DNER: variants seen among roughly 807,000 people sequenced by gnomAD.
DNER encodes the protein delta/notch like EGF repeat containing.
DNER carries 33 observed loss-of-function variants against 78.2 expected under a neutral mutation model. The ratio of observed to expected loss-of-function variants is 0.42; its 90% CI spans 0.32 to 0.56. The LOEUF is 0.56. DNER is among the 20% of genes least tolerant of loss of function. DNER has a pLI of 0.11. For missense variants in DNER, 918 were observed against 975.3 expected (o/e 0.94, Z 0.78); for synonymous variants, 417 against 384.8 (o/e 1.08, Z -0.98).
Position 229,615,553 on chromosome 2 carries a change from C to CA in DNER, c.277-23666dup, listed in dbSNP as rs1231527958. On this transcript the variant is annotated intron_variant, in intron 1 of 12. Transcript: ENST00000341772. ...TGAAACCCTATCTCTACTAAAAATA[C>CA]AAAAAAAAATTAGCCGGAAGTGGTG... Among the ~76,000 whole-genome samples, 171 of 150,522 alleles carry CA rather than the reference C, an allele frequency of 1.1e-3. 2 individuals are homozygous for CA. Among genetic ancestry groups the CA allele is most frequent in the Admixed American group, 3.6e-3 (55 of 15,104 alleles).
At chr2:229,606,605 GT>G (rs1697943201) in intron 1 of DNER, among the ~76,000 whole-genome samples, 2 of 152,106 alleles carry the variant, frequency 1.3e-5, no homozygotes, top group Admixed American at 1.3e-4. Context: ...TAAAAAATGT[GT>G]TTAGGGCCAG....
intron 4 of DNER, among the ~76,000 whole-genome samples, chr2:229,576,443 C>A (rs1697303906): frequency 6.8e-6 from 1 of 148,020 alleles, no homozygotes; most frequent in Non-Finnish European, 1.5e-5. Flanking sequence ...ACAAATAATT[C>A]TTAAGGTTGA....
At chr2:229,603,751 CTGTGCTTTGCAAGTT>C (rs746074194) in intron 1 of DNER, among the ~76,000 whole-genome samples, 1 of 143,334 alleles carries the variant, frequency 7.0e-6, no homozygotes, top group Non-Finnish European at 1.5e-5. Flanking sequence ...GGGTGCTTTT[CTGTGCTTTGCAAGTT>C]TGTGCTTTGC....
intron 4 of DNER, among the ~76,000 whole-genome samples, chr2:229,565,376 G>A (rs564978805): frequency 1.3e-5 from 2 of 152,254 alleles, no homozygotes; most frequent in African/African-American, 4.8e-5. Context: ...ACATTCAAAT[G>A]CAAGTAAATG....
chr2:229,669,369 C>CATATATATATATATATATATATATATAT (rs58371383), intron 1 of DNER, among the ~76,000 whole-genome samples: 7 of 144,732 alleles, frequency 4.8e-5, no homozygotes, highest in South Asian at 2.2e-4. Context: ...TGTATACATA[C>CATATATATATATATATATATATATATAT]ATATATATAT....
intron 11 of DNER, among the ~76,000 whole-genome samples, chr2:229,371,209 G>A (rs1692474740): frequency 6.6e-6 from 1 of 152,146 alleles, no homozygotes; most frequent in South Asian, 2.1e-4. Context: ...GATGGATCTG[G>A]CTAAGTCCAA....
At chr2:229,425,620 A>T (rs1693857840) in intron 8 of DNER, among the ~76,000 whole-genome samples, 1 of 152,212 alleles carries the variant, frequency 6.6e-6, no homozygotes, top group Admixed American at 6.5e-5. Context: ...ACATCAATCC[A>T]GGACCCACCG....
At chr2:229,610,573 T>A (rs936534635) in intron 1 of DNER, among the ~76,000 whole-genome samples, 24 of 152,184 alleles carry the variant, frequency 1.6e-4, no homozygotes, top group Middle Eastern at 3.2e-3. Flanking sequence ...TACTGGAAGA[T>A]CAGTCACCAG....
At position 229,473,970 on chromosome 2, in the gene DNER, A is replaced by G. The variant is rs1489832229; in HGVS notation, c.1261+3170T>C. ...ACCCAGGCTGGAGTACAGTGGCACA[A>G]TCTCGGTTCACTGCAACTTCCGCCT... On this transcript the variant is annotated intron_variant, in intron 7 of 12. Coordinates refer to ENST00000341772, the MANE Select transcript of DNER (RefSeq NM_139072.4). Among the ~76,000 whole-genome samples the G allele has an allele frequency of 2.6e-5, 4 of 152,028 alleles. No individual in the cohort carries two copies. The South Asian group carries it at 6.2e-4, about 24-fold the overall frequency.
At chr2:229,668,422 A>ATATATATATATATATATATATACACT (rs1699134078) in intron 1 of DNER, among the ~76,000 whole-genome samples, 3 of 2,376 alleles carry the variant, frequency 1.3e-3, no homozygotes, top group African/African-American at 1.4e-3. Flanking sequence ...ATTCTTTTAT[A>ATATATATATATATATATATATACACT]TATATATATA....
chr2:229,544,193 G>A (rs1696573254), intron 5 of DNER, among the ~76,000 whole-genome samples: 1 of 151,988 alleles, frequency 6.6e-6, no homozygotes, highest in South Asian at 2.1e-4. Flanking sequence ...TTCCCATAAA[G>A]TATGTTGATA....
intron 8 of DNER, among the ~76,000 whole-genome samples, chr2:229,425,791 C>T (rs1693863169): frequency 6.6e-6 from 1 of 152,210 alleles, no homozygotes; most frequent in Non-Finnish European, 1.5e-5. Context: ...GTCAGTATCA[C>T]CTCTGGAGCG....
At chr2:229,683,627 T>C (rs1388329732) in intron 1 of DNER, among the ~76,000 whole-genome samples, 3 of 152,118 alleles carry the variant, frequency 2.0e-5, no homozygotes, top group Admixed American at 2.0e-4. Flanking sequence ...ACAATGATGA[T>C]GGTGACGATG....
chr2:229,606,876 G>A (rs1161481974), intron 1 of DNER, among the ~76,000 whole-genome samples: 16 of 152,072 alleles, frequency 1.1e-4, no homozygotes, highest in African/African-American at 2.7e-4. Flanking sequence ...CCTAGGCAAC[G>A]AGAGCAAAAC....
chr2:229,628,661 A>G (rs1698385745), intron 1 of DNER, among the ~76,000 whole-genome samples: 1 of 152,194 alleles, frequency 6.6e-6, no homozygotes, highest in Admixed American at 6.5e-5. Flanking sequence ...GGGCCAGTGC[A>G]CTGACCATGG....
At chr2:229,616,716 C>T (rs796734343) in intron 1 of DNER, among the ~76,000 whole-genome samples, 4 of 152,282 alleles carry the variant, frequency 2.6e-5, no homozygotes, top group African/African-American at 9.6e-5. Flanking sequence ...TGTCTAGGGC[C>T]CTTGGCAGAT....
chr2:229,565,951 C>T (rs1007948037), intron 4 of DNER, among the ~76,000 whole-genome samples: 1 of 152,164 alleles, frequency 6.6e-6, no homozygotes, highest in African/African-American at 2.4e-5. Flanking sequence ...ACTAGTAAAT[C>T]AGTTTTAAAT....
At chr2:229,561,715 A>G (rs1287783129) in intron 4 of DNER, among the ~76,000 whole-genome samples, 1 of 152,152 alleles carries the variant, frequency 6.6e-6, no homozygotes, top group African/African-American at 2.4e-5. Flanking sequence ...TTAATATTAG[A>G]CTAAGTTATG....
chr2:229,456,329 C>T (rs367578438), intron 7 of DNER, among the ~76,000 whole-genome samples: 2 of 151,548 alleles, frequency 1.3e-5, no homozygotes, highest in Admixed American at 6.6e-5. Context: ...GATGGATCCC[C>T]GTGATCCAAA....
Sources: gnomAD v4.1 joint callset for allele counts (sites outside exome capture counted in the v4.1 genomes callset) on GRCh38, gnomAD v4.1.1 for gene constraint, MANE v1.5 for transcripts, NCBI Gene and HGNC (gene_info 2026-07-23, HGNC 2026-07-21) for gene names.